The following RBFOX1 variants were observed in gnomAD, a reference collection of about 807,000 sequenced individuals.
RBFOX1 encodes the protein RNA binding fox-1 homolog 1.
RBFOX1 carries 8 observed loss-of-function variants against 57.7 expected under a neutral mutation model. The observed-to-expected ratio is 0.14, with a 90% confidence interval of 0.08 to 0.25. The LOEUF (loss-of-function observed/expected upper bound fraction) is 0.25. Ranked by LOEUF, RBFOX1 falls within the 10% of genes least tolerant of loss-of-function variation. The probability of loss-of-function intolerance (pLI) is 1.00; values close to 1 mark genes in which losing one functional copy is unlikely to be tolerated. For missense variants in RBFOX1, 611 were observed against 548.5 expected (o/e 1.11, Z -1.14); for synonymous variants, 326 against 222.4 (o/e 1.47, Z -4.15).
At chr16:7,254,423 A>T (rs903711570) in intron 4 of RBFOX1, among the ~76,000 whole-genome samples, 2 of 152,180 alleles carry the variant, frequency 1.3e-5, no homozygotes, top group African/African-American at 4.8e-5. Context: ...TCCATTGCCA[A>T]GATATCACTG....
chr16:6,417,984 AGAAT>A (rs60404637), intron 2 of RBFOX1, among the ~76,000 whole-genome samples: 8 of 151,294 alleles, frequency 5.3e-5, no homozygotes, highest in African/African-American at 1.7e-4. Flanking sequence ...ATTTTCTGAA[AGAAT>A]GAATGAATGA....
At chr16:5,360,142 T>C (rs145408221) in intron 1 of RBFOX1, among the ~76,000 whole-genome samples, 3,113 of 152,324 alleles carry the variant, frequency 0.02, 42 homozygotes, top group Non-Finnish European at 0.033. Context: ...TGTTGCTCCA[T>C]AGGCTCCTGA....
chr16:5,757,421 G>A (rs146348949), intron 3 of RBFOX1, among the ~76,000 whole-genome samples: 5 of 151,960 alleles, frequency 3.3e-5, no homozygotes, highest in Non-Finnish European at 7.4e-5. Context: ...TAGTAGAGAC[G>A]GGGTTTCACC....
chr16:7,010,179 A>G (rs893801449), intron 3 of RBFOX1, among the ~76,000 whole-genome samples: 14 of 152,356 alleles, frequency 9.2e-5, no homozygotes, highest in Middle Eastern at 3.4e-3. Context: ...TGTGAATACT[A>G]TGAGGGTCCC....
intron 4 of RBFOX1, among the ~76,000 whole-genome samples, chr16:5,933,416 G>T (rs562989353): frequency 6.6e-6 from 1 of 152,146 alleles, no homozygotes; most frequent in Non-Finnish European, 1.5e-5. Flanking sequence ...CTGCCAGAGT[G>T]GCTCCGACAT....
intron 3 of RBFOX1, among the ~76,000 whole-genome samples, chr16:6,864,646 A>G (rs947029194): frequency 6.7e-6 from 1 of 148,658 alleles, no homozygotes; most frequent in East Asian, 2.0e-4. Context: ...CAAATGTTTT[A>G]TTTGTTCTTG....
chr16:6,067,874 A>G (rs1276916148), intron 1 of RBFOX1, among the ~76,000 whole-genome samples: 2 of 152,262 alleles, frequency 1.3e-5, no homozygotes, highest in Non-Finnish European at 2.9e-5. Flanking sequence ...ACACTTAAGC[A>G]TATGTGCATT....
At chr16:6,076,701 A>G (rs1035680196) in intron 1 of RBFOX1, among the ~76,000 whole-genome samples, 2 of 152,176 alleles carry the variant, frequency 1.3e-5, no homozygotes, top group Admixed American at 6.5e-5. Flanking sequence ...TGCTTCAAAG[A>G]CACAGAGTCC....
chr16:6,032,696 G>T (rs547326731), intron 1 of RBFOX1, among the ~76,000 whole-genome samples: 2 of 151,870 alleles, frequency 1.3e-5, no homozygotes, highest in Middle Eastern at 3.2e-3. Flanking sequence ...AATTATTTTC[G>T]GTAGTAAAAA....
chr16:7,705,821 C>CA (rs754801654), intron 14 of RBFOX1, among the ~76,000 whole-genome samples: 16 of 152,232 alleles, frequency 1.1e-4, no homozygotes, highest in South Asian at 4.1e-4. Context: ...TTAGTGTAGT[C>CA]ATCATGTGCA....
intron 2 of RBFOX1, among the ~76,000 whole-genome samples, chr16:6,607,373 C>T (rs201261036): frequency 6.6e-6 from 1 of 152,068 alleles, no homozygotes; most frequent in East Asian, 1.9e-4. Context: ...AACCATATGA[C>T]CAATTTCCAG....
At chr16:5,499,872 C>G (rs1319461294) in intron 2 of RBFOX1, among the ~76,000 whole-genome samples, 1 of 152,206 alleles carries the variant, frequency 6.6e-6, no homozygotes, top group Admixed American at 6.5e-5. Context: ...TGTGCCCGGC[C>G]AAGCCCAGGT....
chr16:6,458,224 G>C (rs576083531), intron 2 of RBFOX1, among the ~76,000 whole-genome samples: 2 of 152,260 alleles, frequency 1.3e-5, no homozygotes, highest in East Asian at 3.9e-4. Context: ...TCTGCAGCAT[G>C]AAGTTTTTTA....
At chr16:7,630,884 G>C (rs1383314455) in intron 11 of RBFOX1, among the ~76,000 whole-genome samples, 1 of 152,204 alleles carries the variant, frequency 6.6e-6, no homozygotes, top group South Asian at 2.1e-4. Flanking sequence ...AGATCCGTCA[G>C]GATTGGGTCC....
At chr16:6,136,437 A>G (rs890426842) in intron 1 of RBFOX1, among the ~76,000 whole-genome samples, 4 of 152,120 alleles carry the variant, frequency 2.6e-5, no homozygotes, top group African/African-American at 9.7e-5. Context: ...GCAATTACAG[A>G]AAAAAAGAAA....
At chr16:7,471,399 T>C (rs2061533203) in intron 4 of RBFOX1, among the ~76,000 whole-genome samples, 1 of 152,196 alleles carries the variant, frequency 6.6e-6, no homozygotes, top group Admixed American at 6.5e-5. Flanking sequence ...TTTTGGTAGA[T>C]GTTCCCAGAT....
chr16:6,449,144 C>T (rs566636411), intron 2 of RBFOX1, among the ~76,000 whole-genome samples: 17 of 152,144 alleles, frequency 1.1e-4, no homozygotes, highest in African/African-American at 4.1e-4. Flanking sequence ...TCACAGAGGA[C>T]CAAGGAGGAG....
chr16:7,597,726 A>T (rs2271131), intron 9 of RBFOX1, among the ~76,000 whole-genome samples: 138,208 of 152,270 alleles, frequency 0.91, 62,962 homozygotes, highest in African/African-American at 0.94. Context: ...ATTGGTTATT[A>T]CAGTAAGTTG....
chr16:6,517,225 C>T (rs1053889694), intron 2 of RBFOX1, among the ~76,000 whole-genome samples: 1 of 152,110 alleles, frequency 6.6e-6, no homozygotes. Flanking sequence ...ATATGGCCTT[C>T]CCCTGCTGAA....
Sources: gnomAD v4.1 joint callset for allele counts (sites outside exome capture counted in the v4.1 genomes callset) on GRCh38, gnomAD v4.1.1 for gene constraint, MANE v1.5 for transcripts, NCBI Gene and HGNC (gene_info 2026-07-23, HGNC 2026-07-21) for gene names.